The following PTPRD variants were observed in gnomAD, a reference collection of about 807,000 sequenced individuals.
PTPRD encodes receptor-type tyrosine-protein phosphatase delta.
Under a neutral mutation model 214.5 loss-of-function variants are expected in PTPRD, and 34 were observed. The ratio of observed to expected loss-of-function variants is 0.16; its 90% confidence interval spans 0.12 to 0.21. PTPRD has a LOEUF of 0.21. PTPRD is among the 10% of genes least tolerant of loss of function. PTPRD has a pLI of 1.00. For synonymous variants in PTPRD, 1,128 were observed against 845.7 expected, an observed-to-expected ratio of 1.33 and a Z score of -5.79; for missense variants, 2,545 against 2,398.7, an observed-to-expected ratio of 1.06 and a Z score of -1.27.
At chr9:10,132,587 C>T (rs1027365555) in intron 3 of PTPRD, among the ~76,000 whole-genome samples, 1 of 152,122 alleles carries the variant, frequency 6.6e-6, no homozygotes, top group African/African-American at 2.4e-5. Context: ...AAATTATTGA[C>T]TTAGCATGTC....
intron 9 of PTPRD, among the ~76,000 whole-genome samples, chr9:9,264,533 A>C (rs1938165651): frequency 6.6e-6 from 1 of 151,612 alleles, no homozygotes; most frequent in African/African-American, 2.4e-5. Context: ...TATGGGATTT[A>C]TGGGACACTA....
At chr9:9,677,290 T>G (rs1304326057) in intron 7 of PTPRD, among the ~76,000 whole-genome samples, 1 of 152,072 alleles carries the variant, frequency 6.6e-6, no homozygotes, top group Admixed American at 6.6e-5. Context: ...TAATCCATCT[T>G]GAGTTAATTT....
intron 5 of PTPRD, among the ~76,000 whole-genome samples, chr9:9,914,571 G>T (rs137908167): frequency 9.1e-4 from 138 of 152,324 alleles, no homozygotes; most frequent in Non-Finnish European, 1.6e-3. Flanking sequence ...ACACAGCCAG[G>T]CTGGCTGAAC....
At chr9:8,441,595 G>C (rs1193673905) in intron 34 of PTPRD, among the ~76,000 whole-genome samples, 1 of 151,828 alleles carries the variant, frequency 6.6e-6, no homozygotes, top group Non-Finnish European at 1.5e-5. Flanking sequence ...ATGTGAATTA[G>C]AATCAAGGAG....
At chr9:9,132,173 A>T (rs1423543181) in intron 10 of PTPRD, among the ~76,000 whole-genome samples, 5 of 152,010 alleles carry the variant, frequency 3.3e-5, no homozygotes, top group African/African-American at 1.2e-4. Flanking sequence ...ATACCTGGCT[A>T]ATTTTTTGTA....
At position 10,379,199 on chromosome 9, in the gene PTPRD, A is replaced by C. The variant is rs547363733; in HGVS notation, c.-599-38182T>G. ...ACTTTAAGTTTTAGGGTACATGTGC[A>C]CAATCCTGCAAATTTAAAGGATTTG... On this transcript the variant is annotated intron_variant, in intron 2 of 45. Coordinates refer to ENST00000381196, the MANE Select transcript of PTPRD (RefSeq NM_002839.4). 1.3e-3 allele frequency among the ~76,000 whole-genome samples: 201 copies of C among 151,734 alleles called. 1 individual carries two copies. The highest frequency in any genetic ancestry group is 4.7e-3 in the African/African-American group (193 of 41,454).
At chr9:10,583,956 A>C (rs1346371378) in intron 2 of PTPRD, among the ~76,000 whole-genome samples, 1 of 152,162 alleles carries the variant, frequency 6.6e-6, no homozygotes, top group Non-Finnish European at 1.5e-5. Flanking sequence ...CACTGAAAAC[A>C]TGGGATGGTA....
At chr9:9,202,286 T>C (rs1316875820) in intron 9 of PTPRD, among the ~76,000 whole-genome samples, 2 of 152,200 alleles carry the variant, frequency 1.3e-5, no homozygotes, top group Non-Finnish European at 2.9e-5. Context: ...TTCTACAGAT[T>C]AACCCGAAGT....
chr9:9,874,803 G>C (rs1044356231), intron 5 of PTPRD, among the ~76,000 whole-genome samples: 14 of 152,256 alleles, frequency 9.2e-5, no homozygotes, highest in East Asian at 1.9e-4. Flanking sequence ...AACGTATGTA[G>C]GATAGATCTA....
intron 10 of PTPRD, among the ~76,000 whole-genome samples, chr9:9,089,543 A>C (rs78723096): frequency 6.6e-6 from 1 of 152,352 alleles, no homozygotes; most frequent in African/African-American, 2.4e-5. Context: ...CTACTAACTC[A>C]TAGTATGCAA....
At chr9:9,412,739 C>A (rs188196244) in intron 8 of PTPRD, among the ~76,000 whole-genome samples, 1 of 152,086 alleles carries the variant, frequency 6.6e-6, no homozygotes, top group Non-Finnish European at 1.5e-5. Flanking sequence ...TGTTCTCATG[C>A]GCCATCCCCC....
chr9:8,571,473 T>C (rs1011868034), intron 14 of PTPRD, among the ~76,000 whole-genome samples: 1 of 152,130 alleles, frequency 6.6e-6, no homozygotes, highest in African/African-American at 2.4e-5. Context: ...AAATCATCCA[T>C]GACAATTTGG....
intron 7 of PTPRD, among the ~76,000 whole-genome samples, chr9:9,665,884 C>T (rs2096712282): frequency 6.6e-6 from 1 of 151,628 alleles, no homozygotes; most frequent in Non-Finnish European, 1.5e-5. Context: ...AAGTGACATA[C>T]CATATTTCAA....
At chr9:9,649,138 G>A (rs191916549) in intron 7 of PTPRD, among the ~76,000 whole-genome samples, 119 of 152,192 alleles carry the variant, frequency 7.8e-4, no homozygotes, top group African/African-American at 2.6e-3. Flanking sequence ...ATGAGATAGC[G>A]ACCATATATC....
At chr9:9,608,027 T>G (rs1307045406) in intron 7 of PTPRD, among the ~76,000 whole-genome samples, 1 of 152,208 alleles carries the variant, frequency 6.6e-6, no homozygotes, top group African/African-American at 2.4e-5. Flanking sequence ...CAGACTCCAC[T>G]GCTTACTAGG....
rs1281639817 is a variant in PTPRD at position 10,005,021 on chromosome 9, C to T, written c.-472+28697G>A. On this transcript the variant is annotated intron_variant, in intron 4 of 45. Coordinates refer to ENST00000381196, the MANE Select transcript of PTPRD (RefSeq NM_002839.4). ...GCTTAATACTAATGGAAAAACTTTA[C>T]TTTTCTTAGCTTGATCATATTTCTT... is the stretch of plus-strand genomic sequence containing the variant. Among the ~76,000 whole-genome samples, 3 of 152,182 alleles carry T rather than the reference C, an allele frequency of 2.0e-5. No homozygotes were observed. The East Asian group carries it at 5.8e-4, about 29-fold the overall frequency.
chr9:9,150,065 C>T (rs563227814), intron 10 of PTPRD, among the ~76,000 whole-genome samples: 13 of 152,120 alleles, frequency 8.5e-5, no homozygotes, highest in Non-Finnish European at 1.6e-4. Context: ...CACCGGAGTC[C>T]CTAACATGTG....
intron 2 of PTPRD, among the ~76,000 whole-genome samples, chr9:10,409,433 A>G (rs1208760565): frequency 5.3e-5 from 8 of 151,768 alleles, no homozygotes; most frequent in Non-Finnish European, 4.4e-5. Context: ...CATTGTTATC[A>G]CATCACTCAA....
intron 31 of PTPRD, among the ~76,000 whole-genome samples, chr9:8,466,181 G>T (rs2096541133): frequency 6.6e-6 from 1 of 152,024 alleles, no homozygotes. Context: ...ATCAGCAGAA[G>T]CAGAATCCAA....
Sources: gnomAD v4.1 joint callset for allele counts (sites outside exome capture counted in the v4.1 genomes callset) on GRCh38, gnomAD v4.1.1 for gene constraint, MANE v1.5 for transcripts, NCBI Gene and HGNC (gene_info 2026-07-23, HGNC 2026-07-21) for gene names.